Variants in PCDHGA2 observed in about 807,000 individuals in gnomAD.
PCDHGA2 encodes the protein protocadherin gamma subfamily A, 2, also known as protocadherin gamma-A2.
PCDHGA2 carries 40 observed loss-of-function variants against 59.2 expected under a neutral mutation model. The ratio of observed to expected loss-of-function variants is 0.68; its 90% CI spans 0.52 to 0.88. PCDHGA2 has a LOEUF of 0.88. Among genes scored for constraint, PCDHGA2 ranks in the 40% least tolerant of loss-of-function variants. The probability of loss-of-function intolerance (pLI) is 0.00; values close to 1 mark genes in which losing one functional copy is unlikely to be tolerated. For synonymous variants in PCDHGA2, 560 were observed against 526.0 expected (o/e 1.06, Z -0.89); for missense variants, 1,226 against 1,204.0 (o/e 1.02, Z -0.27).
At chr5:141,370,956 G>A in intron 1 of PCDHGA2, 1 of 1,613,992 alleles carries the variant, frequency 6.2e-7, no homozygotes, top group South Asian at 1.1e-5. Flanking sequence ...GAACCTGGAT[G>A]GCAGTAGGTA....
At chr5:141,371,156 C>T in intron 1 of PCDHGA2, 1 of 1,614,020 alleles carries the variant, frequency 6.2e-7, no homozygotes, top group Non-Finnish European at 8.5e-7. Context: ...TTGCAGAGAA[C>T]CTGCCCGCTG....
chr5:141,485,607 C>T lies in PCDHGA2; in HGVS notation c.2425-9200C>T. On this transcript the variant is annotated intron_variant, in intron 1 of 3. Coordinates refer to ENST00000394576, the MANE Select transcript of PCDHGA2 (RefSeq NM_018915.4). The surrounding 1 kb of genome is among the most constrained non-coding windows in gnomAD (Gnocchi z 5.7). ...CAGCTGGACTTGGAAATTGGGGAGG[C>T]AGCTCCTCCAGGACAGCGTTTCCCG... is the stretch of plus-strand genomic sequence containing the variant. 1 of 1,612,008 alleles carries T rather than the reference C, an allele frequency of 6.2e-7. No individual in the cohort carries two copies. The highest frequency in any genetic ancestry group is 8.5e-7 in the Non-Finnish European group (1 of 1,178,534).
At position 141,403,421 on chromosome 5, in the gene PCDHGA2, G is replaced by A. The variant is rs773369451; in HGVS notation, c.2424+62026G>A. ...TGGAGCACGTTATCCACTTCCAGAA[G>A]CTATTGATCCGGATGTTGGCGTGAA... On this transcript the variant is annotated intron_variant, in intron 1 of 3. Coordinates refer to ENST00000394576, the MANE Select transcript of PCDHGA2 (RefSeq NM_018915.4). 11 of 1,614,038 alleles carry A rather than the reference G, an allele frequency of 6.8e-6. No individual in the cohort carries two copies. In the East Asian group the frequency reaches 2.5e-4, roughly 36 times the overall value.
intron 1 of PCDHGA2, chr5:141,418,598 T>G: frequency 6.2e-7 from 1 of 1,614,010 alleles, no homozygotes; most frequent in Non-Finnish European, 8.5e-7. Flanking sequence ...CCAGGACGTG[T>G]ACAGGGTTAG....
At chr5:141,422,053 G>A in intron 1 of PCDHGA2, 1 of 1,611,606 alleles carries the variant, frequency 6.2e-7, no homozygotes, top group Non-Finnish European at 8.5e-7. Context: ...GGGAATCAAC[G>A]GGGAAGTAAT....
intron 1 of PCDHGA2, chr5:141,403,092 A>G (rs764199669): frequency 6.2e-7 from 1 of 1,614,086 alleles, no homozygotes; most frequent in East Asian, 2.2e-5. Flanking sequence ...ATTGTGGGCA[A>G]CATCTCCAAG....
At position 141,410,085 on chromosome 5, in the gene PCDHGA2, C is replaced by G; in HGVS notation, c.2424+68690C>G. 3 of 1,612,476 alleles carry G rather than the reference C, an allele frequency of 1.9e-6. No homozygotes were observed. In the South Asian group the frequency reaches 3.3e-5, roughly 18 times the overall value. On this transcript the variant is annotated intron_variant, in intron 1 of 3. Transcript: ENST00000394576. Reference sequence around the variant, plus strand: ...GGGCTGCGCACTGGGGAGGTGCGCACGGCTCGAGCCTTAGGCGACAGGGAC... The same window carrying G: ...GGGCTGCGCACTGGGGAGGTGCGCAGGGCTCGAGCCTTAGGCGACAGGGAC...
intron 1 of PCDHGA2, chr5:141,355,177 A>T (rs373402171): frequency 1.9e-6 from 3 of 1,579,772 alleles, no homozygotes; most frequent in Non-Finnish European, 2.6e-6. Context: ...ACCGAAGCAC[A>T]GGCGACTCCG....
intron 1 of PCDHGA2, chr5:141,422,106 C>T: frequency 6.2e-7 from 1 of 1,607,266 alleles, no homozygotes; most frequent in Non-Finnish European, 8.5e-7. Flanking sequence ...CTGAAATATT[C>T]CAATTGGATT....
chr5:141,389,496 CCAGCGCT>C, intron 1 of PCDHGA2: 1 of 1,613,068 alleles, frequency 6.2e-7, no homozygotes, highest in Non-Finnish European at 8.5e-7. Context: ...CCAGGGCTCG[CCAGCGCT>C]CAGCGCGAAC....
Position 141,494,802 on chromosome 5 carries a change from C to T in PCDHGA2, c.2425-5C>T. 5 of 1,614,120 alleles carry T rather than the reference C, an allele frequency of 3.1e-6. No individual in the cohort carries two copies. The highest frequency in any genetic ancestry group is 4.2e-6 in the Non-Finnish European group (5 of 1,180,016). ...TCAGCCCCTTTCCCTCTGTTTTCTC[C>T]ACAGCAAGCCCCGCCCAACACGGAC... is the stretch of plus-strand genomic sequence containing the variant. On this transcript the variant is annotated splice_polypyrimidine_tract_variant and splice_region_variant and intron_variant, in intron 1 of 3. Transcript: ENST00000394576.
At chr5:141,384,368 C>A (rs748304499) in intron 1 of PCDHGA2, 3 of 1,613,790 alleles carry the variant, frequency 1.9e-6, no homozygotes, top group Non-Finnish European at 2.5e-6. Flanking sequence ...ATCACTTATT[C>A]CTTGGCCGAA....
chr5:141,362,391 C>A, intron 1 of PCDHGA2: 2 of 1,614,058 alleles, frequency 1.2e-6, no homozygotes, highest in Admixed American at 3.3e-5. Flanking sequence ...CCTATTCCTA[C>A]AACCTGTGTG....
chr5:141,486,150 G>T lies in PCDHGA2; in HGVS notation c.2425-8657G>T. The T allele has an allele frequency of 6.2e-7, 1 of 1,614,180 alleles. No individual in the cohort carries two copies. The highest frequency in any genetic ancestry group is 8.5e-7 in the Non-Finnish European group (1 of 1,180,030). On this transcript the variant is annotated intron_variant, in intron 1 of 3. Transcript: ENST00000394576. This position sits in a 1 kb window ranked among gnomAD's most constrained non-coding sequence, Gnocchi z 5.0. The stretch of plus-strand genomic sequence containing the variant: ...TTTGATGTGCGGGCTCGCGATGGGG[G>T]TTCTCCAGCCATGGAGCAACATTGC...
chr5:141,374,484 TAAAGG>T, intron 1 of PCDHGA2: 1 of 1,611,588 alleles, frequency 6.2e-7, no homozygotes, highest in Non-Finnish European at 8.5e-7. Flanking sequence ...CCCCGATTCT[TAAAGG>T]AAGAATTGGA....
chr5:141,340,797 T>A lies in PCDHGA2; in HGVS notation c.1826T>A (p.Leu609His), dbSNP rs1364138990. The A allele has an allele frequency of 1.2e-6, 2 of 1,612,224 alleles. No individual in the cohort carries two copies. Among genetic ancestry groups the A allele is most frequent in the Admixed American group, 1.7e-5 (1 of 59,792 alleles). The change falls in exon 1 of 4, where the codon CTC becomes CAC. Residue 609 changes from leucine (L) to histidine (H), a missense_variant. Leu to His is a moderately conservative substitution (Grantham distance 99). Transcript: ENST00000394576. ...AACGCCTGGCTGTCTTACCACCTGC[T>A]CAAGGCCAGCGAGCCGGGACTCTTC... The part of the protein sequence containing the change: ...GQNAWLSYHL[L>H]KASEPGLFSV...
chr5:141,386,226 C>T (rs1164415292), intron 1 of PCDHGA2, among the ~76,000 whole-genome samples: 1 of 152,142 alleles, frequency 6.6e-6, no homozygotes, highest in Non-Finnish European at 1.5e-5. Flanking sequence ...ATTAGGTCTA[C>T]TGAAAAATTC....
chr5:141,398,740 C>T, intron 1 of PCDHGA2: 1 of 1,613,864 alleles, frequency 6.2e-7, no homozygotes, highest in Non-Finnish European at 8.5e-7. Flanking sequence ...CCGGGAACAA[C>T]AGAGTTACCA....
Position 141,467,771 on chromosome 5 carries a change from A to G in PCDHGA2, c.2425-27036A>G, listed in dbSNP as rs542500016. Among the ~76,000 whole-genome samples, 11 of 151,422 alleles carry G rather than the reference A, an allele frequency of 7.3e-5. No individual in the cohort carries two copies. The South Asian group carries it at 2.3e-3, about 32-fold the overall frequency. On this transcript the variant is annotated intron_variant, in intron 1 of 3. Transcript: ENST00000394576. Reference sequence around the variant, plus strand: ...CCGCCTCACATGCTCAAGTGCCCGCACCTCAGCCTCTCAAGTAGCTGGGAC... The same window carrying G: ...CCGCCTCACATGCTCAAGTGCCCGCGCCTCAGCCTCTCAAGTAGCTGGGAC...
Sources: gnomAD v4.1 joint callset for allele counts (sites outside exome capture counted in the v4.1 genomes callset) on GRCh38, gnomAD v4.1.1 for gene constraint, Gnocchi (gnomAD v3.1) non-coding constraint, MANE v1.5 for transcripts, NCBI Gene and HGNC (gene_info 2026-07-23, HGNC 2026-07-21) for gene names.